The following RBFOX2 variants were observed in gnomAD, a reference collection of about 807,000 sequenced individuals.
RBFOX2 encodes RNA binding fox-1 homolog 2.
RBFOX2 carries 10 observed loss-of-function variants against 49.1 expected under a neutral mutation model. That is an observed-to-expected ratio of 0.20 (90% CI 0.13 to 0.35). RBFOX2 has a LOEUF of 0.35. Among genes scored for constraint, RBFOX2 ranks in the 10% least tolerant of loss-of-function variants. RBFOX2 has a pLI of 1.00. For synonymous variants in RBFOX2, 183 were observed against 187.4 expected (o/e 0.98, Z 0.19); for missense variants, 323 against 486.9 (o/e 0.66, Z 3.17).
chr22:35,820,296 T>G (rs534319437), intron 1 of RBFOX2, among the ~76,000 whole-genome samples: 2 of 152,206 alleles, frequency 1.3e-5, no homozygotes, highest in Non-Finnish European at 2.9e-5. Flanking sequence ...TCAGCTGAGA[T>G]GAAGAGGGTT....
intron 1 of RBFOX2, chr22:35,995,932 GGAAAAA>G (rs2058171648): frequency 2.0e-5 from 3 of 152,268 alleles, no homozygotes; most frequent in Admixed American, 6.5e-5. Flanking sequence ...AGACGATTAT[GGAAAAA>G]AGCCCAGCTG....
At chr22:35,950,009 A>C (rs529275526) in intron 1 of RBFOX2, among the ~76,000 whole-genome samples, 500 of 151,338 alleles carry the variant, frequency 3.3e-3, no homozygotes, top group Non-Finnish European at 3.9e-3. Flanking sequence ...ACGAGGATTT[A>C]CTCTAAGTTT....
upstream of RBFOX2, chr22:35,840,659 G>GTGTA (rs1332850782): frequency 1.0e-6 from 1 of 958,940 alleles, no homozygotes; most frequent in Non-Finnish European, 1.2e-6. Context: ...TGTGTGTGTA[G>GTGTA]GGGGGAGGAG....
chr22:35,984,856 G>A (rs991948720), intron 1 of RBFOX2, among the ~76,000 whole-genome samples: 2 of 152,138 alleles, frequency 1.3e-5, no homozygotes, highest in South Asian at 4.1e-4. Context: ...TTTCAAAGCT[G>A]AGTTCAAATG....
chr22:35,798,679 T>TTGAA (rs1194596433), intron 2 of RBFOX2, among the ~76,000 whole-genome samples: 2 of 152,204 alleles, frequency 1.3e-5, no homozygotes, highest in African/African-American at 4.8e-5. Context: ...ATTAAGTAGT[T>TTGAA]ATTGCCCCTA....
chr22:35,789,243 T>C (rs1947071081), intron 2 of RBFOX2, among the ~76,000 whole-genome samples: 1 of 152,092 alleles, frequency 6.6e-6, no homozygotes, highest in African/African-American at 2.4e-5. Flanking sequence ...ATTTTGGAAT[T>C]GTGGATAAGA....
At chr22:36,007,742 A>T (rs903004049) in intron 1 of RBFOX2, among the ~76,000 whole-genome samples, 2 of 152,146 alleles carry the variant, frequency 1.3e-5, no homozygotes, top group African/African-American at 4.8e-5. Context: ...ACACACGGAT[A>T]CTTTTTTACT....
chr22:35,824,017 C>A lies in RBFOX2; in HGVS notation c.28-14013G>T, dbSNP rs375093970. On this transcript the variant is annotated intron_variant, in intron 1 of 11. Coordinates refer to ENST00000405409, the Ensembl canonical transcript of RBFOX2. ...ACAAAAAATTAGCCAGGTGTGGTGGCGCACACCTGTAATCCCAGCTACTCG... is the reference window on the plus strand; with the variant it reads ...ACAAAAAATTAGCCAGGTGTGGTGGAGCACACCTGTAATCCCAGCTACTCG... Among the ~76,000 whole-genome samples the A allele has an allele frequency of 6.7e-4, 102 of 152,058 alleles. 1 individual carries two copies. The highest frequency in any genetic ancestry group is 6.8e-3 in the Middle Eastern group (2 of 294).
intron 2 of RBFOX2, among the ~76,000 whole-genome samples, chr22:35,795,038 C>T (rs1346420686): frequency 1.3e-5 from 2 of 152,154 alleles, no homozygotes; most frequent in East Asian, 3.9e-4. Context: ...AATACCCATG[C>T]ATAATTCTAA....
chr22:35,902,009 G>A (rs2048638823), intron 1 of RBFOX2, among the ~76,000 whole-genome samples: 1 of 152,038 alleles, frequency 6.6e-6, no homozygotes, highest in Non-Finnish European at 1.5e-5. Flanking sequence ...GAACCCTAGA[G>A]GCAGAGGTTG....
chr22:35,788,839 T>C (rs558757964), intron 2 of RBFOX2, among the ~76,000 whole-genome samples: 38 of 152,352 alleles, frequency 2.5e-4, no homozygotes, highest in African/African-American at 4.3e-4. Context: ...TGAAAATTAA[T>C]GTCCTCAGTC....
At chr22:35,979,137 T>C (rs1379007736) in intron 1 of RBFOX2, among the ~76,000 whole-genome samples, 1 of 152,158 alleles carries the variant, frequency 6.6e-6, no homozygotes, top group Non-Finnish European at 1.5e-5. Context: ...TGCAGTGGTA[T>C]TCCTGCCGAA....
At chr22:35,787,576 A>T (rs1036405997) in intron 2 of RBFOX2, among the ~76,000 whole-genome samples, 9 of 152,214 alleles carry the variant, frequency 5.9e-5, no homozygotes, top group Non-Finnish European at 1.2e-4. Flanking sequence ...CACAACTGGG[A>T]CATTCTCACT....
chr22:35,941,675 G>A (rs542758296), upstream of RBFOX2, among the ~76,000 whole-genome samples: 3 of 152,198 alleles, frequency 2.0e-5, no homozygotes, highest in South Asian at 6.2e-4. Flanking sequence ...ATCACTCCCA[G>A]AGGACATCCC....
intron 1 of RBFOX2, among the ~76,000 whole-genome samples, chr22:35,855,524 A>G (rs2042408285): frequency 6.6e-6 from 1 of 151,578 alleles, no homozygotes; most frequent in Non-Finnish European, 1.5e-5. Flanking sequence ...TCCCACTTCA[A>G]CCTCCCAAGT....
At chr22:35,895,620 T>C (rs1344813378) in intron 1 of RBFOX2, among the ~76,000 whole-genome samples, 1 of 152,012 alleles carries the variant, frequency 6.6e-6, no homozygotes, top group Non-Finnish European at 1.5e-5. Flanking sequence ...CAACATAGCC[T>C]GGCTTCTGAA....
chr22:35,862,919 T>C (rs755209912), intron 1 of RBFOX2, among the ~76,000 whole-genome samples: 3 of 152,218 alleles, frequency 2.0e-5, no homozygotes, highest in Admixed American at 6.5e-5. Context: ...ATCGGCGTCA[T>C]TGCTGTCGTC....
At chr22:35,982,610 G>C (rs1238146091) in intron 1 of RBFOX2, among the ~76,000 whole-genome samples, 1 of 152,106 alleles carries the variant, frequency 6.6e-6, no homozygotes, top group Admixed American at 6.6e-5. Flanking sequence ...AGGAGAAAAG[G>C]AAATGGTTGG....
intron 4 of RBFOX2, among the ~76,000 whole-genome samples, chr22:35,772,590 C>CT (rs1002535549): frequency 2.3e-4 from 35 of 152,162 alleles, no homozygotes; most frequent in African/African-American, 8.4e-4. Flanking sequence ...TTATACTCCT[C>CT]TAAGTTTGCA....
Sources: allele counts gnomAD v4.1 joint callset (sites outside exome capture counted in the v4.1 genomes callset), GRCh38; gene constraint gnomAD v4.1.1; transcripts MANE v1.5; gene names NCBI Gene and HGNC (gene_info 2026-07-23, HGNC 2026-07-21).